GPC6: variants seen among roughly 807,000 people sequenced by gnomAD.
GPC6 encodes glypican-6.
GPC6 carries 14 observed loss-of-function variants against 55.2 expected under a neutral mutation model. That is an observed-to-expected ratio of 0.25 (90% CI 0.17 to 0.40). The LOEUF (loss-of-function observed/expected upper bound fraction) is 0.40, where lower values mean the gene tolerates loss of function less well. GPC6 is among the 10% of genes least tolerant of loss of function. The pLI is 1.00. For missense variants in GPC6, 641 were observed against 708.5 expected, an observed-to-expected ratio of 0.90 and a Z score of 1.08; for synonymous variants, 278 against 259.6, an observed-to-expected ratio of 1.07 and a Z score of -0.68.
chr13:93,884,761 T>C (rs1875220028), intron 3 of GPC6, among the ~76,000 whole-genome samples: 1 of 152,122 alleles, frequency 6.6e-6, no homozygotes, highest in African/African-American at 2.4e-5. Context: ...CAGTGTTCAA[T>C]GCTAAATTAA....
At chr13:93,947,422 G>A (rs1485901540) in intron 3 of GPC6, among the ~76,000 whole-genome samples, 4 of 152,136 alleles carry the variant, frequency 2.6e-5, no homozygotes, top group Admixed American at 6.5e-5. Context: ...TTCTGATATA[G>A]TCCCATAATT....
intron 2 of GPC6, among the ~76,000 whole-genome samples, chr13:93,739,575 G>A (rs956848293): frequency 2.0e-5 from 3 of 151,994 alleles, no homozygotes; most frequent in Admixed American, 1.3e-4. Context: ...GACTACAGGC[G>A]CCTGCCACCA....
chr13:93,568,402 T>C (rs1013239754), intron 2 of GPC6, among the ~76,000 whole-genome samples: 1 of 152,206 alleles, frequency 6.6e-6, no homozygotes, highest in African/African-American at 2.4e-5. Flanking sequence ...ATGATTTTGA[T>C]TCCTTAATAC....
chr13:94,221,255 T>C (rs1890374925), intron 4 of GPC6, among the ~76,000 whole-genome samples: 1 of 152,158 alleles, frequency 6.6e-6, no homozygotes, highest in Non-Finnish European at 1.5e-5. Flanking sequence ...TAAATGGTCC[T>C]GACTTTGTGT....
intron 4 of GPC6, among the ~76,000 whole-genome samples, chr13:94,256,679 G>A (rs1594103606): frequency 6.6e-6 from 1 of 152,160 alleles, no homozygotes; most frequent in East Asian, 1.9e-4. Flanking sequence ...CTATTCTACA[G>A]GATTTAACCT....
At chr13:93,750,847 G>A (rs1008436427) in intron 2 of GPC6, among the ~76,000 whole-genome samples, 1 of 152,154 alleles carries the variant, frequency 6.6e-6, no homozygotes, top group African/African-American at 2.4e-5. Context: ...TACCACCATG[G>A]TGATTCCAAG....
At chr13:93,679,613 A>T (rs754198292) in intron 2 of GPC6, among the ~76,000 whole-genome samples, 46 of 152,154 alleles carry the variant, frequency 3.0e-4, no homozygotes, top group South Asian at 4.1e-4. Context: ...TATGGCACTT[A>T]TGTGCAGCCA....
At chr13:93,232,320 A>T (rs939479234) in intron 1 of GPC6, among the ~76,000 whole-genome samples, 5 of 152,116 alleles carry the variant, frequency 3.3e-5, no homozygotes, top group Non-Finnish European at 5.9e-5. Context: ...GTAAGTCACA[A>T]ATGAGTGAGG....
chr13:93,824,803 A>G (rs564569750), intron 2 of GPC6, among the ~76,000 whole-genome samples: 14 of 152,216 alleles, frequency 9.2e-5, no homozygotes, highest in African/African-American at 3.1e-4. Context: ...ATCAAAGAGA[A>G]GTCCAGAACC....
rs552902767 is a variant in GPC6 at position 93,418,397 on chromosome 13, C to T, written c.161-126866C>T. Among the ~76,000 whole-genome samples, 90 of 150,742 alleles carry T rather than the reference C, an allele frequency of 6.0e-4. 2 individuals are homozygous for T. The South Asian group carries it at 0.015, about 25-fold the overall frequency. ...TATTATTTTATTAATAACACTATAC[C>T]GTAGTATTATTTTATTAATAGCACT... On this transcript the variant is annotated intron_variant, in intron 1 of 8. Transcript: ENST00000377047.
chr13:94,314,468 C>G (rs572442840), intron 6 of GPC6, among the ~76,000 whole-genome samples: 2 of 152,336 alleles, frequency 1.3e-5, no homozygotes, highest in African/African-American at 4.8e-5. Flanking sequence ...AAAAGTCCAT[C>G]TGCGCACTCG....
intron 4 of GPC6, among the ~76,000 whole-genome samples, chr13:94,245,608 A>G (rs1891173717): frequency 6.6e-6 from 1 of 151,998 alleles, no homozygotes; most frequent in Non-Finnish European, 1.5e-5. Context: ...AGATCATGCA[A>G]TAATTTTCTT....
chr13:93,245,512 C>A (rs1876568434), intron 1 of GPC6, among the ~76,000 whole-genome samples: 2 of 152,284 alleles, frequency 1.3e-5, no homozygotes, highest in South Asian at 2.1e-4. Flanking sequence ...CTCCACCTCC[C>A]AGACTTTCTG....
chr13:93,441,457 A>AT (rs1308501092), intron 1 of GPC6, among the ~76,000 whole-genome samples: 4 of 152,042 alleles, frequency 2.6e-5, no homozygotes, highest in Admixed American at 6.6e-5. Flanking sequence ...GATGATGAGC[A>AT]TTTTTTCATG....
At chr13:94,067,482 C>T (rs149200720) in intron 4 of GPC6, among the ~76,000 whole-genome samples, 1 of 149,392 alleles carries the variant, frequency 6.7e-6, no homozygotes, top group African/African-American at 2.4e-5. Flanking sequence ...CTGTCTGTCT[C>T]TCTCTCTCTC....
chr13:93,884,814 A>G (rs893718544), intron 3 of GPC6, among the ~76,000 whole-genome samples: 1 of 152,154 alleles, frequency 6.6e-6, no homozygotes, highest in Non-Finnish European at 1.5e-5. Context: ...GCAACCTTCA[A>G]AAACGGCTGC....
intron 3 of GPC6, among the ~76,000 whole-genome samples, chr13:93,839,827 A>G (rs2138995615): frequency 6.6e-6 from 1 of 152,314 alleles, no homozygotes; most frequent in Non-Finnish European, 1.5e-5. Flanking sequence ...CCACTTGAGC[A>G]TGGTGGGTTA....
chr13:93,724,921 G>A (rs1883580277), intron 2 of GPC6, among the ~76,000 whole-genome samples: 1 of 151,926 alleles, frequency 6.6e-6, no homozygotes, highest in African/African-American at 2.4e-5. Flanking sequence ...TGCTCTTGTT[G>A]CACTCATGGA....
intron 3 of GPC6, among the ~76,000 whole-genome samples, chr13:93,898,942 T>A (rs1594570022): frequency 1.4e-5 from 1 of 71,984 alleles, no homozygotes; most frequent in Admixed American, 1.1e-4. Flanking sequence ...TATATATAAA[T>A]ATATATATAT....
Sources: gnomAD v4.1 joint callset for allele counts (sites outside exome capture counted in the v4.1 genomes callset) on GRCh38, gnomAD v4.1.1 for gene constraint, MANE v1.5 for transcripts, NCBI Gene and HGNC (gene_info 2026-07-23, HGNC 2026-07-21) for gene names.